JAGN1: variants seen among roughly 807,000 people sequenced by gnomAD.
The protein encoded by JAGN1 is jagunal vesicle mediated transporter 1, also known as protein jagunal homolog 1.
A neutral mutation model predicts 17.1 loss-of-function variants in JAGN1; 13 were observed. The ratio of observed to expected loss-of-function variants is 0.76; its 90% CI spans 0.49 to 1.21. JAGN1 has a LOEUF of 1.21. JAGN1 is among the 50% of genes most tolerant of loss of function. The probability of loss-of-function intolerance (pLI) is 0.00; values close to 1 mark genes in which losing one functional copy is unlikely to be tolerated. For missense variants in JAGN1, 256 were observed against 234.2 expected, an observed-to-expected ratio of 1.09 and a Z score of -0.61; for synonymous variants, 111 against 91.0, an observed-to-expected ratio of 1.22 and a Z score of -1.25.
intron 1 of JAGN1, 93 bp from the exon 2 acceptor site, chr3:9,892,822 A>C: frequency 1.3e-6 from 1 of 780,994 alleles, no homozygotes; most frequent in Non-Finnish European, 2.1e-6. Flanking sequence ...GTTTTATTCA[A>C]ATTTGTATCC....
Position 9,893,105 on chromosome 3 carries a change from C to T in JAGN1, c.280C>T (p.Arg94Cys), listed in dbSNP as rs866176976. ...PSLLGLLSFPRNNISYLVLSM... is the reference protein window; with the variant it reads ...PSLLGLLSFPCNNISYLVLSM... ...TCTCTTGGGCCTTCTCTCCTTTCCC[C>T]GCAACAACATTAGCTACCTGGTGCT... The change falls in exon 2 of 2, where the codon CGC becomes TGC. Residue 94 changes from arginine to cysteine, a missense_variant. Physicochemically the swap from Arg to Cys is radical, Grantham distance 180. Transcript: ENST00000647897. The T allele has an allele frequency of 6.8e-6, 11 of 1,614,092 alleles. No individual in the cohort carries two copies. Among genetic ancestry groups the T allele is most frequent in the African/African-American group, 5.3e-5 (4 of 74,926 alleles).
intron 1 of JAGN1, among the ~76,000 whole-genome samples, chr3:9,891,037 A>C (rs1047663790): frequency 6.6e-6 from 1 of 152,316 alleles, no homozygotes; most frequent in African/African-American, 2.4e-5. Flanking sequence ...GAGGGGATCC[A>C]GCCCCGCGTG....
In JAGN1 at chr3:9,893,357, CAGG is replaced by C. The variant is rs1337153763; in HGVS notation, c.535_537del (p.Glu179del). 1.2e-6 allele frequency: 2 copies of C among 1,612,154 alleles called. No individual in the cohort carries two copies. Among genetic ancestry groups the C allele is most frequent in the Admixed American group, 1.7e-5 (1 of 59,606 alleles). On this transcript the variant is annotated inframe_deletion, in exon 2 of 2. Coordinates refer to ENST00000647897, the MANE Select transcript of JAGN1 (RefSeq NM_032492.4). ...CCTAGACTCTTGGTTCACCAGCACA[CAGG>C]AGAAGAAGCATAAATGAAGCCTCTT...
At chr3:9,891,499 A>C (rs2082562715) in intron 1 of JAGN1, among the ~76,000 whole-genome samples, 1 of 152,152 alleles carries the variant, frequency 6.6e-6, no homozygotes, top group Non-Finnish European at 1.5e-5. Flanking sequence ...TAAAGAAAAA[A>C]AAAACTGTTC....
In JAGN1 at chr3:9,893,132, T is replaced by C; in HGVS notation, c.307T>C (p.Ser103Pro). The C allele has an allele frequency of 6.2e-7, 1 of 1,614,190 alleles. No homozygotes were observed. The change falls in exon 2 of 2, where the codon TCC becomes CCC. Residue 103 changes from serine (S) to proline (P), a missense_variant. By Grantham distance (74) the Ser-to-Pro change is moderately conservative. Transcript: ENST00000647897. ...CAACAACATTAGCTACCTGGTGCTC[T>C]CCATGATCAGCATGGGACTCTTTTC... ...PRNNISYLVL[S>P]MISMGLFSIA... is the part of the protein sequence containing the mutation.
chr3:9,892,173 G>A (rs954583801), intron 1 of JAGN1, among the ~76,000 whole-genome samples: 2 of 151,876 alleles, frequency 1.3e-5, no homozygotes, highest in African/African-American at 4.8e-5. Context: ...CCGCCACCAC[G>A]TGCTGCTAAT....
chr3:9,890,812 G>T lies in JAGN1; in HGVS notation c.89+1G>T. 6.2e-7 allele frequency: 1 copy of T among 1,601,818 alleles called. No individual in the cohort carries two copies. The highest frequency in any genetic ancestry group is 8.5e-7 in the Non-Finnish European group (1 of 1,175,044). ...GCGTCGCCATGCACTACCAGATGAGGTATGAAGTGAGGCGAGGAGCACGGA... is the reference window on the plus strand; with the variant it reads ...GCGTCGCCATGCACTACCAGATGAGTTATGAAGTGAGGCGAGGAGCACGGA... On this transcript the variant is annotated splice_donor_variant, in intron 1 of 1. Coordinates refer to ENST00000647897, the MANE Select transcript of JAGN1 (RefSeq NM_032492.4). LOFTEE classifies it high-confidence loss of function.
In JAGN1 at chr3:9,890,658, C is replaced by A; in HGVS notation, c.-65C>A. On this transcript the variant is annotated 5_prime_UTR_variant, in exon 1 of 2. Coordinates refer to ENST00000647897, the MANE Select transcript of JAGN1 (RefSeq NM_032492.4). Reference sequence around the variant, plus strand: ...CGGGGGCGCAAATAGGGTCAGTGGGCCGCTTGGCGGTGTCGTTGCGGTACC... The same window carrying A: ...CGGGGGCGCAAATAGGGTCAGTGGGACGCTTGGCGGTGTCGTTGCGGTACC... 4.0e-6 allele frequency: 6 copies of A among 1,486,272 alleles called. No homozygotes were observed. The South Asian group carries it at 6.1e-5, about 15-fold the overall frequency. 92.1% of individuals were successfully genotyped at this position (1,486,272 alleles called of 1,614,324 possible). A position where few individuals can be genotyped will look rare whatever the true frequency, so the allele number is the denominator to read the frequency against.
Position 9,893,582 on chromosome 3 carries a change from A to G in JAGN1, c.*205A>G. On this transcript the variant is annotated 3_prime_UTR_variant, in exon 2 of 2. Coordinates refer to ENST00000647897, the MANE Select transcript of JAGN1 (RefSeq NM_032492.4). ...GGTTGGCTAGAACTGGGTGACCAAC[A>G]GCTATGAAACAAATTTCAGCTGTTT... 3 of 550,178 alleles carry G rather than the reference A, an allele frequency of 5.5e-6. No individual in the cohort carries two copies. In the South Asian group the frequency reaches 7.7e-5, roughly 14 times the overall value. 34.1% of individuals were successfully genotyped at this position (550,178 alleles called of 1,614,324 possible).
intron 1 of JAGN1, among the ~76,000 whole-genome samples, 171 bp downstream of exon 1, chr3:9,890,982 C>T (rs2082558750): frequency 6.6e-6 from 1 of 152,144 alleles, no homozygotes; most frequent in Admixed American, 6.5e-5. Context: ...CCTGGAAAGC[C>T]CCGTGGCCCC....
intron 1 of JAGN1, among the ~76,000 whole-genome samples, chr3:9,891,509 C>A (rs1204359404): frequency 1.3e-5 from 2 of 151,838 alleles, no homozygotes; most frequent in Non-Finnish European, 1.5e-5. Context: ...AAAAACTGTT[C>A]CCTGCCTTCA....
rs2082574859 is a variant in JAGN1 at position 9,893,201 on chromosome 3, G to T, written c.376G>T (p.Ala126Ser). The change falls in exon 2 of 2, where the codon GCA (alanine) becomes TCA (serine). Residue 126 changes from alanine to serine, a missense_variant. By Grantham distance (99) the Ala-to-Ser change is moderately conservative. Coordinates refer to ENST00000647897, the MANE Select transcript of JAGN1 (RefSeq NM_032492.4). ...IYGSMEMFPAAQQLYRHGKAY... is the reference protein window; with the variant it reads ...IYGSMEMFPASQQLYRHGKAY... ...TGGCAGCATGGAGATGTTCCCTGCTGCACAGCAGCTCTACCGCCATGGCAA... is the reference window on the plus strand; with the variant it reads ...TGGCAGCATGGAGATGTTCCCTGCTTCACAGCAGCTCTACCGCCATGGCAA... The T allele has an allele frequency of 6.2e-7, 1 of 1,614,204 alleles. No homozygotes were observed. The highest frequency in any genetic ancestry group is 1.7e-5 in the Admixed American group (1 of 60,020).
At position 9,893,083 on chromosome 3, in the gene JAGN1, CTT is replaced by C. The variant is rs752414579; in HGVS notation, c.259_260del (p.Leu87GlyfsTer11). ...PYLLSILPSLLGLLSFPRNNI... is the reference protein window; with the variant it reads ...PYLLSILPSLXGLLSFPRNNI... ...ATTTGCTGAGCATTTTGCCCTCTCT[CTT>C]GGGCCTTCTCTCCTTTCCCCGCAAC... On this transcript the variant is annotated frameshift_variant, in exon 2 of 2. Coordinates refer to ENST00000647897, the MANE Select transcript of JAGN1 (RefSeq NM_032492.4). LOFTEE classifies it high-confidence loss of function. 4 of 1,614,110 alleles carry C rather than the reference CTT, an allele frequency of 2.5e-6. No homozygotes were observed. The highest frequency in any genetic ancestry group is 3.4e-6 in the Non-Finnish European group (4 of 1,180,050).
chr3:9,892,800 G>A lies in JAGN1; in HGVS notation c.90-115G>A, dbSNP rs1194106572. 7 of 655,302 alleles carry A rather than the reference G, an allele frequency of 1.1e-5. No homozygotes were observed. Among genetic ancestry groups the A allele is most frequent in the South Asian group, 6.0e-5 (3 of 50,056 alleles). The allele number at this position is 655,302 out of a possible 1,614,324, so 40.6% of individuals were successfully genotyped here. A position where few individuals can be genotyped will look rare whatever the true frequency, so the allele number is the denominator to read the frequency against. On this transcript the variant is annotated intron_variant, in intron 1 of 1. Coordinates refer to ENST00000647897, the MANE Select transcript of JAGN1 (RefSeq NM_032492.4). ...TTTTCCTCCTCTGTTCTTTGTGTCC[G>A]GCTTCTAGGCTGTTTTATTCAAATT...
At position 9,891,493 on chromosome 3, in the gene JAGN1, G is replaced by GA. The variant is rs536378383; in HGVS notation, c.89+692dup. 5.5e-3 allele frequency among the ~76,000 whole-genome samples: 796 copies of GA among 144,312 alleles called. 6 individuals are homozygous for GA. Among genetic ancestry groups the GA allele is most frequent in the Non-Finnish European group, 9.0e-3 (589 of 65,782 alleles). 94.7% of individuals were successfully genotyped at this position (144,312 alleles called of 152,430 possible). ...ACCTTCAATAAACAATTTTATTAAA[G>GA]AAAAAAAAAACTGTTCCCTGCCTTC... On this transcript the variant is annotated intron_variant, in intron 1 of 1. Coordinates refer to ENST00000647897, the MANE Select transcript of JAGN1 (RefSeq NM_032492.4).
At chr3:9,892,307 C>A (rs1386929707) in intron 1 of JAGN1, among the ~76,000 whole-genome samples, 3 of 151,722 alleles carry the variant, frequency 2.0e-5, no homozygotes, top group Non-Finnish European at 4.4e-5. Flanking sequence ...TGAGCCACCG[C>A]GCCCAGCCCT....
In JAGN1 at chr3:9,893,460, T is replaced by G. The variant is rs2082576954; in HGVS notation, c.*83T>G. On this transcript the variant is annotated 3_prime_UTR_variant, in exon 2 of 2. Transcript: ENST00000647897. ...GTTCCAAAATCCCTTCTGGTGATTT[T>G]AGCAGCTGTGATGTTGGTACCTGGT... 5.1e-6 allele frequency: 6 copies of G among 1,165,048 alleles called. No individual in the cohort carries two copies. Among genetic ancestry groups the G allele is most frequent in the Non-Finnish European group, 4.7e-6 (4 of 842,968 alleles). 72.2% of individuals were successfully genotyped at this position (1,165,048 alleles called of 1,614,324 possible).
In JAGN1 at chr3:9,890,778, A is replaced by G. The variant is rs748123071; in HGVS notation, c.56A>G (p.His19Arg). The G allele has an allele frequency of 1.2e-5, 19 of 1,609,802 alleles. No individual in the cohort carries two copies. The Admixed American group carries it at 3.0e-4, about 26-fold the overall frequency. ...AAGTDGSDFQHRERVAMHYQM... is the reference protein window; with the variant it reads ...AAGTDGSDFQRRERVAMHYQM... The stretch of plus-strand genomic sequence containing the variant: ...GGCACCGACGGCAGCGACTTTCAGC[A>G]CCGGGAGCGCGTCGCCATGCACTAC... The change falls in exon 1 of 2, where the codon CAC becomes CGC. Residue 19 changes from histidine to arginine, a missense_variant. Physicochemically the swap from His to Arg is conservative, Grantham distance 29. Transcript: ENST00000647897.
intron 1 of JAGN1, among the ~76,000 whole-genome samples, chr3:9,891,723 C>T (rs2082563926): frequency 6.6e-6 from 1 of 152,164 alleles, no homozygotes; most frequent in Non-Finnish European, 1.5e-5. Flanking sequence ...TCTCTAGGCC[C>T]CGGCTGAAAG....
Sources: gnomAD v4.1 joint callset for allele counts (sites outside exome capture counted in the v4.1 genomes callset) on GRCh38, gnomAD v4.1.1 for gene constraint, MANE v1.5 for transcripts, NCBI Gene and HGNC (gene_info 2026-07-23, HGNC 2026-07-21) for gene names.